SDK2: variants seen among roughly 807,000 people sequenced by gnomAD.
SDK2 encodes the protein protein sidekick-2.
SDK2 carries 105 observed loss-of-function variants against 253.9 expected under a neutral mutation model. That is an observed-to-expected ratio of 0.41 (90% CI 0.35 to 0.49). The LOEUF is 0.49. SDK2 is among the 20% of genes least tolerant of loss of function. The probability of loss-of-function intolerance (pLI) is 0.06; values close to 1 mark genes in which losing one functional copy is unlikely to be tolerated. For synonymous variants in SDK2, 1,249 were observed against 1,234.9 expected (o/e 1.01, Z -0.24); for missense variants, 2,608 against 3,003.0 (o/e 0.87, Z 3.07).
intron 1 of SDK2, among the ~76,000 whole-genome samples, chr17:73,622,058 A>G (rs1194750539): frequency 6.6e-6 from 1 of 152,182 alleles, no homozygotes; most frequent in Non-Finnish European, 1.5e-5. Context: ...CATTTCAACA[A>G]TTAGACAATT....
intron 1 of SDK2, chr17:73,518,244 G>T (rs1413043184): frequency 6.6e-6 from 1 of 151,950 alleles, no homozygotes; most frequent in Admixed American, 6.6e-5. Flanking sequence ...GACCTTACTG[G>T]GCCCTGTAAT....
rs1310268041 is a variant in SDK2 at position 73,511,851 on chromosome 17, G to A, written c.65-4254C>T. The stretch of plus-strand genomic sequence containing the variant: ...AAGAATGACAGACTGAGGGGAAGAA[G>A]ATGCTGCTGGGATAACAGAACGTGT... On this transcript the variant is annotated intron_variant, in intron 1 of 44. Coordinates refer to ENST00000392650, the MANE Select transcript of SDK2 (RefSeq NM_001144952.2). The surrounding 1 kb of genome is among the most constrained non-coding windows in gnomAD (Gnocchi z 4.9). Among the ~76,000 whole-genome samples, 1 of 152,222 alleles carries A rather than the reference G, an allele frequency of 6.6e-6. No homozygotes were observed. Among genetic ancestry groups the A allele is most frequent in the African/African-American group, 2.4e-5 (1 of 41,454 alleles).
At chr17:73,553,459 G>C (rs932176651) in intron 1 of SDK2, among the ~76,000 whole-genome samples, 4 of 152,186 alleles carry the variant, frequency 2.6e-5, no homozygotes, top group Non-Finnish European at 5.9e-5. Context: ...CACTGGGCCA[G>C]TGAGCAGCCC....
At chr17:73,451,193 C>T (rs942351301) in intron 4 of SDK2, among the ~76,000 whole-genome samples, 1 of 152,228 alleles carries the variant, frequency 6.6e-6, no homozygotes, top group Non-Finnish European at 1.5e-5. Context: ...TGGCAAAACT[C>T]CTGCCTCTCA....
chr17:73,478,946 C>G (rs139660650), intron 2 of SDK2, among the ~76,000 whole-genome samples: 1 of 152,212 alleles, frequency 6.6e-6, no homozygotes, highest in African/African-American at 2.4e-5. Context: ...TGCACATACA[C>G]GGAGCACACT....
rs2063846089 is a variant in SDK2, at chr17:73,496,921, G to C, written c.224+10517C>G. Among the ~76,000 whole-genome samples, 1 of 152,140 alleles carries C rather than the reference G, an allele frequency of 6.6e-6. No individual in the cohort carries two copies. The highest frequency in any genetic ancestry group is 6.5e-5 in the Admixed American group (1 of 15,276). On this transcript the variant is annotated intron_variant, in intron 2 of 44. Coordinates refer to ENST00000392650, the MANE Select transcript of SDK2 (RefSeq NM_001144952.2). The surrounding 1 kb of genome is among the most constrained non-coding windows in gnomAD (Gnocchi z 4.7). ...TTGTTTTTATTTATGTTTTGAGATGGGGTCTCGCTTTGTCGCCTAGGTAGG... is the reference window on the plus strand; with the variant it reads ...TTGTTTTTATTTATGTTTTGAGATGCGGTCTCGCTTTGTCGCCTAGGTAGG...
At chr17:73,401,518 T>C (rs1480936349) in intron 20 of SDK2, 136 bp downstream of exon 20, 1 of 828,244 alleles carries the variant, frequency 1.2e-6, no homozygotes, top group Non-Finnish European at 2.0e-6. Context: ...AAGAGCCTCC[T>C]GTGAGTGGTT....
At position 73,547,071 on chromosome 17, in the gene SDK2, G is replaced by C. The variant is rs555918883; in HGVS notation, c.65-39474C>G. ...GCATCCCCCTGAGTCAGGGTGGTTG[G>C]TCCTAGCCTGCCCTGCCTAGGGCAT... is the stretch of plus-strand genomic sequence containing the variant. On this transcript the variant is annotated intron_variant, in intron 1 of 44. Coordinates refer to ENST00000392650, the MANE Select transcript of SDK2 (RefSeq NM_001144952.2). 2.6e-5 allele frequency among the ~76,000 whole-genome samples: 4 copies of C among 152,306 alleles called. No individual in the cohort carries two copies. In the East Asian group the frequency reaches 7.7e-4, roughly 29 times the overall value.
chr17:73,527,878 G>A (rs2064138218), intron 1 of SDK2, among the ~76,000 whole-genome samples: 1 of 152,170 alleles, frequency 6.6e-6, no homozygotes, highest in Non-Finnish European at 1.5e-5. Context: ...AGAGGAGGTG[G>A]CTTTTTCGCT....
chr17:73,595,444 C>T (rs930555942), intron 1 of SDK2, among the ~76,000 whole-genome samples: 1 of 152,096 alleles, frequency 6.6e-6, no homozygotes, highest in Non-Finnish European at 1.5e-5. Context: ...CCTTGTGCTT[C>T]CAAGAGATCC....
At chr17:73,418,323 AGC>A (rs1267967327) in intron 16 of SDK2, among the ~76,000 whole-genome samples, 3 of 152,194 alleles carry the variant, frequency 2.0e-5, no homozygotes, top group Non-Finnish European at 4.4e-5. Flanking sequence ...TTTTTTTAAA[AGC>A]AAAGGTTTCT....
In SDK2 at chr17:73,361,651, G is replaced by T. The variant is rs537711118; in HGVS notation, c.5467+33C>A. The T allele has an allele frequency of 6.3e-7, 1 of 1,595,762 alleles. No individual in the cohort carries two copies. The highest frequency in any genetic ancestry group is 1.7e-5 in the Admixed American group (1 of 59,678). On this transcript the variant is annotated intron_variant, in intron 39 of 44. Transcript: ENST00000392650. This position sits in a 1 kb window ranked among gnomAD's most constrained non-coding sequence, Gnocchi z 4.1. The stretch of plus-strand genomic sequence containing the variant: ...CTGACTGGGGACGCTGAACCGCCGT[G>T]TGGAAGACATGCCTGGTCCGTTGCT...
intron 1 of SDK2, among the ~76,000 whole-genome samples, chr17:73,603,541 C>A (rs1313445998): frequency 1.3e-5 from 2 of 152,178 alleles, no homozygotes; most frequent in Non-Finnish European, 2.9e-5. Context: ...GCAGGACGGG[C>A]TTCCCAGTGT....
chr17:73,354,220 TG>T (rs1444338474), intron 40 of SDK2, among the ~76,000 whole-genome samples: 21 of 152,164 alleles, frequency 1.4e-4, no homozygotes, highest in Admixed American at 1.4e-3. Flanking sequence ...AGGAAAAATT[TG>T]GGTTTCCTGT....
At chr17:73,471,242 C>G (rs1482129322) in intron 3 of SDK2, among the ~76,000 whole-genome samples, 2 of 152,126 alleles carry the variant, frequency 1.3e-5, no homozygotes, top group African/African-American at 2.4e-5. Flanking sequence ...CCAGCACCCC[C>G]GGAAGATCAC....
At chr17:73,493,342 G>A (rs375059326) in intron 2 of SDK2, among the ~76,000 whole-genome samples, 3 of 152,208 alleles carry the variant, frequency 2.0e-5, no homozygotes, top group Middle Eastern at 3.2e-3. Flanking sequence ...TAAAGGCGGC[G>A]GCGAGTGCTT....
chr17:73,461,347 G>A (rs1192631892), intron 3 of SDK2, among the ~76,000 whole-genome samples: 2 of 152,220 alleles, frequency 1.3e-5, no homozygotes, highest in African/African-American at 2.4e-5. Context: ...AGGGAGACAG[G>A]AATAAGTAAA....
chr17:73,521,568 T>G (rs969061676), intron 1 of SDK2, among the ~76,000 whole-genome samples: 7 of 152,190 alleles, frequency 4.6e-5, no homozygotes. Flanking sequence ...GCCCTGCCTG[T>G]ACTCAGGAGC....
At chr17:73,418,556 G>T (rs1391114175) in intron 16 of SDK2, among the ~76,000 whole-genome samples, 1 of 152,188 alleles carries the variant, frequency 6.6e-6, no homozygotes, top group African/African-American at 2.4e-5. Flanking sequence ...GACACACGAA[G>T]TTGCATAGCA....
Sources: gnomAD v4.1 joint callset for allele counts (sites outside exome capture counted in the v4.1 genomes callset) on GRCh38, gnomAD v4.1.1 for gene constraint, Gnocchi (gnomAD v3.1) non-coding constraint, MANE v1.5 for transcripts, NCBI Gene and HGNC (gene_info 2026-07-23, HGNC 2026-07-21) for gene names.